The following CRADD variants were observed in gnomAD, a reference collection of about 807,000 sequenced individuals.
CRADD encodes the protein CARD and death domain containing adaptor protein, also known as death domain-containing protein CRADD.
CRADD carries 9 observed loss-of-function variants against 15.5 expected under a neutral mutation model. That is an observed-to-expected ratio of 0.58 (90% confidence interval 0.35 to 1.01). The LOEUF is 1.01. Among genes scored for constraint, CRADD ranks in the 50% least tolerant of loss-of-function variants. CRADD has a pLI of 0.02. For synonymous variants in CRADD, 118 were observed against 107.6 expected, an observed-to-expected ratio of 1.10 and a Z score of -0.60; for missense variants, 227 against 250.3, an observed-to-expected ratio of 0.91 and a Z score of 0.63.
At chr12:93,695,621 C>T (rs1319390597) in intron 2 of CRADD, among the ~76,000 whole-genome samples, 3 of 152,128 alleles carry the variant, frequency 2.0e-5, no homozygotes, top group Non-Finnish European at 2.9e-5. Flanking sequence ...AAAAAATGGG[C>T]GGCCAGCGCA....
chr12:93,738,134 T>C (rs1956608875), intron 2 of CRADD: 1 of 594,684 alleles, frequency 1.7e-6, no homozygotes, highest in Non-Finnish European at 3.0e-6. Context: ...AGGGCAGTCA[T>C]GTTCTGCTGT....
At chr12:93,740,845 G>A (rs576892376) in intron 2 of CRADD, among the ~76,000 whole-genome samples, 9 of 152,232 alleles carry the variant, frequency 5.9e-5, no homozygotes, top group African/African-American at 2.2e-4. Context: ...TGATGATTTT[G>A]TTGTAGAAAA....
chr12:93,891,002 G>A (rs1250575097), intron 2 of CRADD, among the ~76,000 whole-genome samples: 11 of 151,658 alleles, frequency 7.3e-5, no homozygotes. Context: ...ATCTGCCTCA[G>A]CCTCCCAAAG....
rs577696410 is a variant in CRADD, at chr12:93,752,209, AG to A, written c.298+73139del. Among the ~76,000 whole-genome samples the A allele has an allele frequency of 6.6e-3, 1,008 of 152,328 alleles. 7 individuals are homozygous for A. Among genetic ancestry groups the A allele is most frequent in the Non-Finnish European group, 9.8e-3 (665 of 68,034 alleles). On this transcript the variant is annotated intron_variant, in intron 2 of 2. Transcript: ENST00000332896. ...AGCATGGCTTTTGCTGACGGTTTCC[AG>A]GTAGCCTTCCAAAGTATGTTAGCAT...
chr12:93,893,689 T>C (rs1958592403), intron 2 of CRADD, among the ~76,000 whole-genome samples: 1 of 152,152 alleles, frequency 6.6e-6, no homozygotes, highest in South Asian at 2.1e-4. Context: ...GCCGATCACC[T>C]GAGGTCAGGA....
chr12:93,868,202 A>C (rs1298908801), intron 2 of CRADD, among the ~76,000 whole-genome samples: 1 of 152,222 alleles, frequency 6.6e-6, no homozygotes, highest in Non-Finnish European at 1.5e-5. Context: ...AAGGATGTTC[A>C]TTGCATCATT....
chr12:93,697,418 A>G (rs1955736100), intron 2 of CRADD, among the ~76,000 whole-genome samples: 1 of 152,196 alleles, frequency 6.6e-6, no homozygotes, highest in South Asian at 2.1e-4. Flanking sequence ...TTGATCTTGC[A>G]CCTTTATCTT....
intron 2 of CRADD, among the ~76,000 whole-genome samples, chr12:93,803,427 C>G (rs1359409557): frequency 2.0e-5 from 3 of 152,148 alleles, no homozygotes; most frequent in Admixed American, 2.0e-4. Flanking sequence ...ATCGTATTCA[C>G]CTGCCAAGTA....
chr12:93,844,792 A>G (rs546977967), intron 2 of CRADD, among the ~76,000 whole-genome samples: 1 of 152,208 alleles, frequency 6.6e-6, no homozygotes, highest in East Asian at 1.9e-4. Flanking sequence ...ACAAAAAACA[A>G]TTACAGCTTT....
chr12:93,687,875 T>C (rs1955474400), intron 2 of CRADD, among the ~76,000 whole-genome samples: 2 of 152,318 alleles, frequency 1.3e-5, no homozygotes, highest in South Asian at 4.1e-4. Context: ...TATGGGGATA[T>C]ATAGGCTACA....
At chr12:93,800,533 G>A (rs2136996224) in intron 2 of CRADD, among the ~76,000 whole-genome samples, 1 of 152,210 alleles carries the variant, frequency 6.6e-6, no homozygotes, top group Middle Eastern at 3.4e-3. Flanking sequence ...GTGATAATGA[G>A]TGAGTTCTCA....
At position 93,678,903 on chromosome 12, in the gene CRADD, A is replaced by G. The variant is rs1430108262; in HGVS notation, c.129A>G (p.Glu43=). 1 of 1,614,194 alleles carries G rather than the reference A, an allele frequency of 6.2e-7. No homozygotes were observed. Among genetic ancestry groups the G allele is most frequent in the Non-Finnish European group, 8.5e-7 (1 of 1,180,036 alleles). The change falls in exon 2 of 3, where the codon GAA becomes GAG. Residue 43 remains glutamate, a synonymous_variant. Coordinates refer to ENST00000332896, the MANE Select transcript of CRADD (RefSeq NM_003805.5). The part of the protein sequence containing the change: ...EGILTENHIQ[E]INAQTTGLRK... ...TCTTGACGGAAAACCATATTCAAGA[A>G]ATCAATGCTCAAACCACAGGCCTCC... is the stretch of plus-strand genomic sequence containing the variant.
At chr12:93,872,942 A>G (rs1358410939) in intron 2 of CRADD, among the ~76,000 whole-genome samples, 1 of 152,122 alleles carries the variant, frequency 6.6e-6, no homozygotes, top group Non-Finnish European at 1.5e-5. Context: ...ATTTCTGTGA[A>G]GAATATCATT....
chr12:93,753,162 AGAGT>A (rs1401077520), intron 2 of CRADD, among the ~76,000 whole-genome samples: 3 of 152,156 alleles, frequency 2.0e-5, no homozygotes, highest in Non-Finnish European at 4.4e-5. Flanking sequence ...GGCAGGCGAG[AGAGT>A]GTGTGTAGGT....
chr12:93,743,939 G>A (rs551106207), intron 2 of CRADD, among the ~76,000 whole-genome samples: 5 of 152,090 alleles, frequency 3.3e-5, no homozygotes, highest in African/African-American at 9.6e-5. Flanking sequence ...TAGTTTCTAT[G>A]TAATTTATTG....
chr12:93,683,661 G>A (rs1393482180), intron 2 of CRADD, among the ~76,000 whole-genome samples: 1 of 152,202 alleles, frequency 6.6e-6, no homozygotes, highest in Non-Finnish European at 1.5e-5. Flanking sequence ...TGCCCCTTGT[G>A]GCGCCAGCCT....
In CRADD at chr12:93,876,076, A is replaced by G. The variant is rs536464589; in HGVS notation, c.299-17974A>G. Among the ~76,000 whole-genome samples, 6 of 152,264 alleles carry G rather than the reference A, an allele frequency of 3.9e-5. No homozygotes were observed. In the East Asian group the frequency reaches 1.2e-3, roughly 29 times the overall value. Reference sequence around the variant, plus strand: ...TATTTGAAGGATATTTTTGCCAAATATACTATTCTAGGGTAAAAGTGTATT... The same window carrying G: ...TATTTGAAGGATATTTTTGCCAAATGTACTATTCTAGGGTAAAAGTGTATT... On this transcript the variant is annotated intron_variant, in intron 2 of 2. Transcript: ENST00000548483.
intron 2 of CRADD, among the ~76,000 whole-genome samples, chr12:93,730,506 A>G (rs1956444735): frequency 6.6e-6 from 1 of 152,220 alleles, no homozygotes; most frequent in Non-Finnish European, 1.5e-5. Flanking sequence ...TGAAAGCTAC[A>G]TTCTTTGATA....
intron 2 of CRADD, among the ~76,000 whole-genome samples, chr12:93,825,171 G>T (rs1004380367): frequency 6.6e-5 from 10 of 152,166 alleles, no homozygotes; most frequent in African/African-American, 2.4e-4. Context: ...TATCTGCATA[G>T]TCTGGGAATT....
Sources: allele counts gnomAD v4.1 joint callset (sites outside exome capture counted in the v4.1 genomes callset), GRCh38; gene constraint gnomAD v4.1.1; transcripts MANE v1.5; gene names NCBI Gene and HGNC (gene_info 2026-07-23, HGNC 2026-07-21).